Variants in MTPN observed in about 807,000 individuals in gnomAD.
MTPN encodes the protein granule cell differentiation protein.
MTPN carries 2 observed loss-of-function variants against 13.5 expected under a neutral mutation model. The observed-to-expected ratio is 0.15, with a 90% confidence interval of 0.06 to 0.47. MTPN has a LOEUF of 0.47. Ranked by LOEUF, MTPN falls within the 20% of genes least tolerant of loss-of-function variation. The pLI is 0.97. For synonymous variants in MTPN, 46 were observed against 51.7 expected, an observed-to-expected ratio of 0.89 and a Z score of 0.48; for missense variants, 79 against 137.9, an observed-to-expected ratio of 0.57 and a Z score of 2.14.
chr7:135,955,852 A>AAC (rs1562933816), intron 1 of MTPN, among the ~76,000 whole-genome samples: 2 of 151,258 alleles, frequency 1.3e-5, no homozygotes, highest in African/African-American at 2.5e-5. Flanking sequence ...AAAAAAAAAA[A>AAC]AACCCAATAT....
Position 135,927,484 on chromosome 7 carries a change from G to T in MTPN, c.*2442C>A. 1 of 1,426,992 alleles carries T rather than the reference G, an allele frequency of 7.0e-7. No individual in the cohort carries two copies. Among genetic ancestry groups the T allele is most frequent in the Non-Finnish European group, 9.5e-7 (1 of 1,048,420 alleles). The allele number at this position is 1,426,992 out of a possible 1,614,324, so 88.4% of individuals were successfully genotyped here. ...ACAGAACATGCAAAATTTTTTCTGA[G>T]ATGTTAAGTATTACTTCAGTGGAGA... On this transcript the variant is annotated 3_prime_UTR_variant, in exon 4 of 4. Transcript: ENST00000393085.
chr7:135,941,782 C>A (rs755675500), intron 3 of MTPN, among the ~76,000 whole-genome samples: 3 of 151,630 alleles, frequency 2.0e-5, no homozygotes, highest in African/African-American at 4.9e-5. Context: ...TTCAAGGTTT[C>A]AGAGAAAAAT....
intron 1 of MTPN, among the ~76,000 whole-genome samples, chr7:135,963,967 G>A (rs904675594): frequency 6.6e-6 from 1 of 151,718 alleles, no homozygotes; most frequent in South Asian, 2.1e-4. Flanking sequence ...AAAAGCTTGT[G>A]GGAAATTAAA....
At chr7:135,949,357 A>G (rs1204423796) in intron 3 of MTPN, among the ~76,000 whole-genome samples, 1 of 152,192 alleles carries the variant, frequency 6.6e-6, no homozygotes, top group Non-Finnish European at 1.5e-5. Flanking sequence ...AGTAAAGAGA[A>G]AGACAGTGAC....
intron 3 of MTPN, among the ~76,000 whole-genome samples, chr7:135,933,929 T>TA (rs1562928506): frequency 6.6e-6 from 1 of 152,030 alleles, no homozygotes; most frequent in Admixed American, 6.6e-5. Flanking sequence ...CCTGGTTGCT[T>TA]AAAAGTGTGT....
chr7:135,957,918 G>A (rs1277560909), intron 1 of MTPN, among the ~76,000 whole-genome samples: 2 of 152,100 alleles, frequency 1.3e-5, no homozygotes, highest in African/African-American at 2.4e-5. Flanking sequence ...CTTCACAGAT[G>A]CAGGTGCCCA....
chr7:135,956,198 G>A (rs1799441853), intron 1 of MTPN, among the ~76,000 whole-genome samples: 1 of 152,154 alleles, frequency 6.6e-6, no homozygotes, highest in South Asian at 2.1e-4. Context: ...TCCAATAGTG[G>A]TGATGAAATA....
intron 3 of MTPN, among the ~76,000 whole-genome samples, chr7:135,933,084 GACTC>G (rs1166167318): frequency 1.9e-5 from 2 of 107,786 alleles, no homozygotes; most frequent in Non-Finnish European, 3.4e-5. Context: ...AACTGAGCAA[GACTC>G]ACTCAGCCTC....
chr7:135,948,799 A>C (rs1303068350), intron 3 of MTPN, among the ~76,000 whole-genome samples: 1 of 152,208 alleles, frequency 6.6e-6, no homozygotes, highest in Non-Finnish European at 1.5e-5. Context: ...AGTTTGAGAT[A>C]TGGTTAGAAG....
rs1298274915 is a variant in MTPN, at chr7:135,951,704, C to T, written c.73-74G>A. On this transcript the variant is annotated intron_variant, in intron 1 of 3. Coordinates refer to ENST00000393085, the MANE Select transcript of MTPN (RefSeq NM_145808.4). The stretch of plus-strand genomic sequence containing the variant: ...AAGAAGTGAAATGAGGCACCTGATA[C>T]TTTTACTTTCTTAAAGCCGTGAGAG... The T allele has an allele frequency of 2.7e-5, 24 of 895,418 alleles. No homozygotes were observed. The East Asian group carries it at 5.8e-4, about 22-fold the overall frequency. The allele number at this position is 895,418 out of a possible 1,614,324, so 55.5% of individuals were successfully genotyped here.
chr7:135,944,922 CATCAT>C lies in MTPN; in HGVS notation c.270+5672_270+5676del, dbSNP rs554009898. 3.5e-3 allele frequency among the ~76,000 whole-genome samples: 534 copies of C among 152,216 alleles called. 2 individuals carry two copies. Among genetic ancestry groups the C allele is most frequent in the Non-Finnish European group, 6.4e-3 (434 of 68,006 alleles). On this transcript the variant is annotated intron_variant, in intron 3 of 3. Coordinates refer to ENST00000393085, the MANE Select transcript of MTPN (RefSeq NM_145808.4). The stretch of plus-strand genomic sequence containing the variant: ...CAAGGGAATTTCATCATTGTGTGAA[CATCAT>C]AGAGTGTCCTTACATAAACCTAGAT...
At chr7:135,932,409 T>C (rs1434473926) in intron 3 of MTPN, 1 of 152,016 alleles carries the variant, frequency 6.6e-6, no homozygotes, top group Non-Finnish European at 1.5e-5. Context: ...AAAAATTCCT[T>C]TTCTGCTTGT....
chr7:135,972,207 A>G lies in MTPN; in HGVS notation c.72+4822T>C, dbSNP rs538320520. 2.1e-3 allele frequency among the ~76,000 whole-genome samples: 253 copies of G among 118,718 alleles called. 2 individuals carry two copies. Among genetic ancestry groups the G allele is most frequent in the Middle Eastern group, 7.9e-3 (2 of 252 alleles). The allele number at this position is 118,718 out of a possible 152,430, so 77.9% of individuals were successfully genotyped here. Reference sequence around the variant, plus strand: ...AGCAAACTGATATGGTTATAAATACACACGCGCACACGCGCACGCGCGCGC... The same window carrying G: ...AGCAAACTGATATGGTTATAAATACGCACGCGCACACGCGCACGCGCGCGC... On this transcript the variant is annotated intron_variant, in intron 1 of 3. Transcript: ENST00000393085.
intron 3 of MTPN, among the ~76,000 whole-genome samples, chr7:135,944,008 TTTTCTA>T (rs1445208431): frequency 4.6e-5 from 7 of 152,262 alleles, no homozygotes; most frequent in Non-Finnish European, 1.0e-4. Context: ...GGGTATAACT[TTTTCTA>T]TTTATTTATA....
At chr7:135,947,550 T>G (rs576131126) in intron 3 of MTPN, among the ~76,000 whole-genome samples, 1 of 152,270 alleles carries the variant, frequency 6.6e-6, no homozygotes, top group South Asian at 2.1e-4. Context: ...GATCTCTACA[T>G]TTTTCTCATT....
chr7:135,972,247 A>G (rs1206703726), intron 1 of MTPN, among the ~76,000 whole-genome samples: 2 of 134,866 alleles, frequency 1.5e-5, no homozygotes, highest in Non-Finnish European at 3.3e-5. Flanking sequence ...ACACACACAC[A>G]CACACACACA....
chr7:135,938,277 TA>T (rs1273013364), intron 3 of MTPN, among the ~76,000 whole-genome samples: 4 of 152,212 alleles, frequency 2.6e-5, no homozygotes, highest in African/African-American at 9.6e-5. Flanking sequence ...TACACACAGA[TA>T]AACACACACA....
At chr7:135,956,815 A>C (rs2116385937) in intron 1 of MTPN, among the ~76,000 whole-genome samples, 1 of 152,332 alleles carries the variant, frequency 6.6e-6, no homozygotes, top group South Asian at 2.1e-4. Flanking sequence ...CTAAAAAAGC[A>C]AACAGCAGCA....
At chr7:135,944,276 GTTCT>G (rs1181987716) in intron 3 of MTPN, among the ~76,000 whole-genome samples, 1 of 152,006 alleles carries the variant, frequency 6.6e-6, no homozygotes, top group African/African-American at 2.4e-5. Context: ...ACTTCTTAAA[GTTCT>G]TTATTAAAAT....
Sources: allele counts gnomAD v4.1 joint callset (sites outside exome capture counted in the v4.1 genomes callset), GRCh38; gene constraint gnomAD v4.1.1; transcripts MANE v1.5; gene names NCBI Gene and HGNC (gene_info 2026-07-23, HGNC 2026-07-21).